Variants in PDE7A observed in about 807,000 individuals in gnomAD.
The protein encoded by PDE7A is high affinity 3',5'-cyclic-AMP phosphodiesterase 7A.
Under a neutral mutation model 64.3 loss-of-function variants are expected in PDE7A, and 39 were observed. That is an observed-to-expected ratio of 0.61 (90% CI 0.47 to 0.79). The LOEUF (loss-of-function observed/expected upper bound fraction) is 0.79, where lower values mean the gene tolerates loss of function less well. Among genes scored for constraint, PDE7A ranks in the 30% least tolerant of loss-of-function variants. The pLI, the probability that PDE7A is intolerant of heterozygous loss-of-function variation, is 0.00. For missense variants in PDE7A, 470 were observed against 582.8 expected (o/e 0.81, Z 1.99); for synonymous variants, 203 against 206.8 (o/e 0.98, Z 0.16).
In PDE7A at chr8:65,723,583, G is replaced by A; in HGVS notation, c.1201C>T (p.Leu401Phe). ...EKKYHLGVSP[L>F]CDRHTESIAN... is the part of the protein sequence containing the mutation. ...ATAGATTCAGTGTGACGATCGCAAA[G>A]TGGACTCACACCCAAATGATATTTT... Residue 401 changes from leucine (L) to phenylalanine (F), a missense_variant, in exon 12 of 13, where the codon CTT (leucine) becomes TTT (phenylalanine). Leu to Phe is a conservative substitution (Grantham distance 22, BLOSUM62 0). Transcript: ENST00000401827. 6.3e-7 allele frequency: 1 copy of A among 1,583,886 alleles called. No individual in the cohort carries two copies. Among genetic ancestry groups the A allele is most frequent in the Non-Finnish European group, 8.6e-7 (1 of 1,166,964 alleles).
At chr8:65,835,841 C>T (rs1345673835) in intron 1 of PDE7A, among the ~76,000 whole-genome samples, 2 of 152,202 alleles carry the variant, frequency 1.3e-5, no homozygotes, top group Non-Finnish European at 2.9e-5. Flanking sequence ...TAAATCACAT[C>T]TCCTAGACTG....
chr8:65,743,440 G>A (rs573563475), intron 5 of PDE7A, among the ~76,000 whole-genome samples: 2 of 152,298 alleles, frequency 1.3e-5, no homozygotes, highest in East Asian at 3.9e-4. Context: ...TAGCGAAGGG[G>A]AGGAATAAAA....
chr8:65,776,899 G>A (rs1809274747), intron 3 of PDE7A, among the ~76,000 whole-genome samples: 1 of 151,992 alleles, frequency 6.6e-6, no homozygotes, highest in Non-Finnish European at 1.5e-5. Context: ...TACTGAATAG[G>A]AAAGATGATG....
intron 3 of PDE7A, among the ~76,000 whole-genome samples, chr8:65,773,005 C>T (rs1395523314): frequency 2.0e-5 from 3 of 151,302 alleles, no homozygotes; most frequent in Admixed American, 6.6e-5. Flanking sequence ...GAGACTCTGT[C>T]TCAAAAAAAA....
chr8:65,723,490 T>A, intron 12 of PDE7A, 51 bp downstream of exon 12: 1 of 1,373,510 alleles, frequency 7.3e-7, no homozygotes, highest in Middle Eastern at 2.0e-4. Flanking sequence ...CCCTTCTTGA[T>A]AAAAACAGTG....
Position 65,770,289 on chromosome 8 carries a change from GA to G in PDE7A, c.283+9430del, listed in dbSNP as rs1054975753. Among the ~76,000 whole-genome samples, 124 of 152,266 alleles carry G rather than the reference GA, an allele frequency of 8.1e-4. 1 individual carries two copies. The highest frequency in any genetic ancestry group is 3.0e-3 in the African/African-American group (123 of 41,556). On this transcript the variant is annotated intron_variant, in intron 3 of 12. Coordinates refer to ENST00000401827, the MANE Select transcript of PDE7A (RefSeq NM_001242318.3). ...TACCTGAGACTGGGTAATTTATAAA[GA>G]AAAAGAGGTTTGATGGACTCACAGT... is the stretch of plus-strand genomic sequence containing the variant.
chr8:65,801,050 T>C (rs1809973856), intron 1 of PDE7A, among the ~76,000 whole-genome samples: 2 of 152,058 alleles, frequency 1.3e-5, no homozygotes, highest in Admixed American at 6.6e-5. Context: ...TCCCATCAAC[T>C]CAGGAGGTTG....
At chr8:65,781,327 T>G in intron 2 of PDE7A, among the ~76,000 whole-genome samples, 1 of 144,958 alleles carries the variant, frequency 6.9e-6, no homozygotes, top group South Asian at 2.2e-4. Context: ...GCAAGGTGAG[T>G]GAGGGGAACT....
chr8:65,746,291 C>T (rs924233679), intron 4 of PDE7A, among the ~76,000 whole-genome samples: 2 of 152,082 alleles, frequency 1.3e-5, no homozygotes, highest in African/African-American at 2.4e-5. Context: ...AAATAACTAA[C>T]TTGCTCAGCT....
intron 1 of PDE7A, among the ~76,000 whole-genome samples, chr8:65,802,739 C>CT (rs532788815): frequency 2.0e-4 from 30 of 152,332 alleles, no homozygotes; most frequent in African/African-American, 5.5e-4. Context: ...AATCATCTCT[C>CT]TTTAACTAGT....
At chr8:65,727,971 TAAAA>T (rs1317269556) in intron 7 of PDE7A, 8 of 152,318 alleles carry the variant, frequency 5.3e-5, no homozygotes, top group Non-Finnish European at 1.0e-4. Context: ...TCACAATAAA[TAAAA>T]GTTTATGATT....
intron 1 of PDE7A, among the ~76,000 whole-genome samples, chr8:65,797,077 A>T (rs1809862458): frequency 6.6e-6 from 1 of 152,236 alleles, no homozygotes; most frequent in African/African-American, 2.4e-5. Context: ...TACCATTTGC[A>T]ATCATAACCA....
intron 3 of PDE7A, among the ~76,000 whole-genome samples, chr8:65,750,504 C>G (rs10957364): frequency 0.61 from 86,299 of 142,218 alleles, 26,899 homozygotes; most frequent in Non-Finnish European, 0.69. Context: ...GTGTGTGTGT[C>G]TGTGTGTGTC....
chr8:65,737,524 A>G (rs1158269923), intron 6 of PDE7A, among the ~76,000 whole-genome samples: 2 of 152,114 alleles, frequency 1.3e-5, no homozygotes, highest in Non-Finnish European at 1.5e-5. Flanking sequence ...ATTATTTTTG[A>G]GACAGAGTCT....
intron 1 of PDE7A, among the ~76,000 whole-genome samples, chr8:65,820,581 AGTT>A (rs1462936380): frequency 6.6e-6 from 1 of 152,178 alleles, no homozygotes; most frequent in African/African-American, 2.4e-5. Flanking sequence ...CAATTTTAAG[AGTT>A]GAAATTGTTT....
intron 3 of PDE7A, among the ~76,000 whole-genome samples, chr8:65,776,035 C>T (rs375362491): frequency 5.9e-5 from 9 of 152,258 alleles, no homozygotes; most frequent in African/African-American, 2.2e-4. Flanking sequence ...TTCAGGCTTC[C>T]CCTACACCAT....
intron 1 of PDE7A, among the ~76,000 whole-genome samples, chr8:65,828,669 T>G (rs1810738112): frequency 6.6e-6 from 1 of 152,090 alleles, no homozygotes; most frequent in Admixed American, 6.6e-5. Context: ...AGACCTTCTG[T>G]CCTCTCAAAA....
At chr8:65,750,289 G>A (rs556653852) in intron 3 of PDE7A, among the ~76,000 whole-genome samples, 1 of 152,244 alleles carries the variant, frequency 6.6e-6, no homozygotes, top group Non-Finnish European at 1.5e-5. Context: ...CAGAATACTT[G>A]TACTGTATTT....
intron 1 of PDE7A, among the ~76,000 whole-genome samples, chr8:65,815,108 AAAG>A (rs1563517970): frequency 1.3e-5 from 2 of 152,154 alleles, no homozygotes; most frequent in African/African-American, 4.8e-5. Flanking sequence ...ATTTTGCCAC[AAAG>A]AATAATACAC....
Sources: gnomAD v4.1 joint callset for allele counts (sites outside exome capture counted in the v4.1 genomes callset) on GRCh38, gnomAD v4.1.1 for gene constraint, MANE v1.5 for transcripts, NCBI Gene and HGNC (gene_info 2026-07-23, HGNC 2026-07-21) for gene names.